Variants in ROBO2 observed in about 807,000 individuals in gnomAD.
The protein encoded by ROBO2 is roundabout homolog 2.
ROBO2 carries 53 observed loss-of-function variants against 160.8 expected under a neutral mutation model. The ratio of observed to expected loss-of-function variants is 0.33; its 90% CI spans 0.26 to 0.41. The LOEUF (loss-of-function observed/expected upper bound fraction) is 0.41, where lower values mean the gene tolerates loss of function less well. Among genes scored for constraint, ROBO2 ranks in the 10% least tolerant of loss-of-function variants. The pLI is 1.00. For synonymous variants in ROBO2, 664 were observed against 611.7 expected, an observed-to-expected ratio of 1.09 and a Z score of -1.26; for missense variants, 1,577 against 1,722.4, an observed-to-expected ratio of 0.92 and a Z score of 1.49.
chr3:76,664,785 G>A (rs894774988), intron 2 of ROBO2, among the ~76,000 whole-genome samples: 4 of 152,144 alleles, frequency 2.6e-5, no homozygotes, highest in African/African-American at 9.7e-5. Flanking sequence ...TAGTTGAGTT[G>A]AATGGAATAA....
At chr3:77,550,974 C>T (rs943954975) in exon 8 of ROBO2, 2 of 1,612,604 alleles carry the variant, frequency 1.2e-6, no homozygotes, top group African/African-American at 1.3e-5. Context: ...AAAAGCTCAA[C>T]TGGAGGTTAC....
intron 2 of ROBO2, among the ~76,000 whole-genome samples, chr3:76,699,066 T>C (rs750171192): frequency 6.6e-6 from 1 of 152,202 alleles, no homozygotes; most frequent in Non-Finnish European, 1.5e-5. Context: ...TAAATACAAA[T>C]ATAACTGTAA....
At chr3:77,295,634 G>A (rs1361424286) in intron 2 of ROBO2, among the ~76,000 whole-genome samples, 5 of 94,228 alleles carry the variant, frequency 5.3e-5, no homozygotes, top group African/African-American at 1.7e-4. Flanking sequence ...ACGGTTAAAC[G>A]GGTAAGCTGA....
chr3:76,498,611 T>C (rs1049064778), intron 2 of ROBO2, among the ~76,000 whole-genome samples: 2 of 151,922 alleles, frequency 1.3e-5, no homozygotes, highest in Non-Finnish European at 2.9e-5. Flanking sequence ...AAAGAGAATC[T>C]TGGCATATAA....
intron 2 of ROBO2, among the ~76,000 whole-genome samples, chr3:76,406,113 T>C (rs1212197822): frequency 6.6e-6 from 1 of 151,826 alleles, no homozygotes; most frequent in Non-Finnish European, 1.5e-5. Context: ...TTGATTGTAT[T>C]CATATTTGTA....
At chr3:76,994,199 C>A (rs2060857954) in intron 2 of ROBO2, among the ~76,000 whole-genome samples, 3 of 151,972 alleles carry the variant, frequency 2.0e-5, no homozygotes, top group Admixed American at 1.3e-4. Context: ...GAGAAAATAT[C>A]TTTCACTTGC....
chr3:76,600,120 T>C (rs1471798176), intron 2 of ROBO2, among the ~76,000 whole-genome samples: 2 of 152,236 alleles, frequency 1.3e-5, no homozygotes, highest in Non-Finnish European at 2.9e-5. Context: ...TATTTGCCCA[T>C]TCCTATGTAC....
chr3:76,114,347 T>G (rs1176789589), intron 2 of ROBO2, among the ~76,000 whole-genome samples: 2 of 152,096 alleles, frequency 1.3e-5, no homozygotes, highest in African/African-American at 4.8e-5. Context: ...TGGAATAAAT[T>G]GATTCTATCC....
intron 2 of ROBO2, among the ~76,000 whole-genome samples, chr3:77,386,639 G>A (rs139487145): frequency 0.011 from 661 of 62,754 alleles, 5 homozygotes; most frequent in Middle Eastern, 0.069. Context: ...GCCTCGCTCC[G>A]TCACCCAGGC....
At chr3:76,830,423 A>G (rs941040037) in intron 2 of ROBO2, among the ~76,000 whole-genome samples, 4 of 152,056 alleles carry the variant, frequency 2.6e-5, no homozygotes, top group Non-Finnish European at 4.4e-5. Context: ...TTTTCAGTAT[A>G]GCTTTCATAA....
chr3:77,350,364 T>C (rs1274192547), intron 2 of ROBO2, among the ~76,000 whole-genome samples: 3 of 152,092 alleles, frequency 2.0e-5, no homozygotes, highest in African/African-American at 7.2e-5. Context: ...TTGAAGTAAA[T>C]ATACACTGAA....
At chr3:76,718,635 G>A (rs2093419239) in intron 2 of ROBO2, among the ~76,000 whole-genome samples, 1 of 152,160 alleles carries the variant, frequency 6.6e-6, no homozygotes, top group African/African-American at 2.4e-5. Context: ...AATAGTCACA[G>A]GGCATTAGTG....
chr3:76,764,868 C>G (rs1173513643), intron 2 of ROBO2, among the ~76,000 whole-genome samples: 1 of 151,546 alleles, frequency 6.6e-6, no homozygotes, highest in African/African-American at 2.4e-5. Flanking sequence ...ATATATTTTG[C>G]CTTTCTTGAT....
intron 2 of ROBO2, among the ~76,000 whole-genome samples, chr3:77,411,179 T>A (rs1341265656): frequency 1.3e-5 from 2 of 152,162 alleles, no homozygotes; most frequent in African/African-American, 2.4e-5. Flanking sequence ...TCCTAACTCT[T>A]CTTGCCCATT....
chr3:75,914,772 A>T (rs886459195), intron 1 of ROBO2, among the ~76,000 whole-genome samples: 1 of 152,216 alleles, frequency 6.6e-6, no homozygotes, highest in Non-Finnish European at 1.5e-5. Flanking sequence ...TTTCAGAGAT[A>T]CAGTAGTTGT....
At chr3:76,845,230 C>CA (rs768623340) in intron 2 of ROBO2, among the ~76,000 whole-genome samples, 230 of 151,524 alleles carry the variant, frequency 1.5e-3, no homozygotes, top group African/African-American at 4.4e-3. Flanking sequence ...GGTTAAGAAA[C>CA]AAAAAAAATT....
intron 2 of ROBO2, among the ~76,000 whole-genome samples, chr3:77,360,571 C>T (rs111899090): frequency 0.011 from 1,666 of 151,608 alleles, 17 homozygotes; most frequent in Middle Eastern, 0.017. Context: ...TAGCACAAGC[C>T]TTATACAAGC....
chr3:77,220,058 T>C (rs770784716), intron 2 of ROBO2, among the ~76,000 whole-genome samples: 13 of 152,048 alleles, frequency 8.5e-5, no homozygotes, highest in Non-Finnish European at 1.8e-4. Context: ...TTGCCCAGGC[T>C]GGAGTGCAGT....
chr3:76,564,131 G>A (rs759376999), intron 2 of ROBO2, among the ~76,000 whole-genome samples: 4 of 152,224 alleles, frequency 2.6e-5, no homozygotes, highest in Admixed American at 6.5e-5. Context: ...GCATGAACCT[G>A]GGAGGCGGAA....
Sources: allele counts gnomAD v4.1 joint callset (sites outside exome capture counted in the v4.1 genomes callset), GRCh38; gene constraint gnomAD v4.1.1; transcripts MANE v1.5; gene names NCBI Gene and HGNC (gene_info 2026-07-23, HGNC 2026-07-21).